SH2D1B: variants seen among roughly 807,000 people sequenced by gnomAD.
SH2D1B encodes the protein SH2 domain containing 1B.
Under a neutral mutation model 16.3 loss-of-function variants are expected in SH2D1B, and 11 were observed. That is an observed-to-expected ratio of 0.67 (90% CI 0.42 to 1.11). The LOEUF (loss-of-function observed/expected upper bound fraction) is 1.11, where lower values mean the gene tolerates loss of function less well. SH2D1B is among the 50% of genes most tolerant of loss of function. SH2D1B has a pLI of 0.00. For missense variants in SH2D1B, 123 were observed against 153.1 expected, an observed-to-expected ratio of 0.80 and a Z score of 1.04; for synonymous variants, 55 against 56.1, an observed-to-expected ratio of 0.98 and a Z score of 0.09.
intron 1 of SH2D1B, among the ~76,000 whole-genome samples, chr1:162,410,397 T>A (rs1166117967): frequency 6.6e-6 from 1 of 152,200 alleles, no homozygotes; most frequent in Non-Finnish European, 1.5e-5. Context: ...TTTGTGATGA[T>A]CCTGAATAAA....
At chr1:162,402,931 C>T (rs1242349702) in intron 1 of SH2D1B, 129 bp from the exon 2 acceptor site, 2 of 623,376 alleles carry the variant, frequency 3.2e-6, no homozygotes, top group Admixed American at 5.5e-5. Context: ...TTTTCTGGGA[C>T]GGAATATCAC....
chr1:162,398,537 C>T (rs1050658241), intron 3 of SH2D1B, among the ~76,000 whole-genome samples: 26 of 152,180 alleles, frequency 1.7e-4, no homozygotes, highest in African/African-American at 6.0e-4. Flanking sequence ...GAATGCTTAG[C>T]AAATATTGAG....
chr1:162,398,366 AAG>A lies in SH2D1B; in HGVS notation c.363+555_363+556del, dbSNP rs1648429159. Among the ~76,000 whole-genome samples, 4 of 152,362 alleles carry A rather than the reference AAG, an allele frequency of 2.6e-5. No homozygotes were observed. In the South Asian group the frequency reaches 8.3e-4, roughly 32 times the overall value. ...AAATTCTTTACTGAGAGCAGATTTC[AAG>A]AGTGTGGGTAAGGAAGAGTAGCTGC... On this transcript the variant is annotated intron_variant, in intron 3 of 3. Coordinates refer to ENST00000367929, the MANE Select transcript of SH2D1B (RefSeq NM_053282.5).
chr1:162,405,672 A>G (rs146886239), intron 1 of SH2D1B, among the ~76,000 whole-genome samples: 76 of 152,302 alleles, frequency 5.0e-4, no homozygotes, highest in East Asian at 1.9e-3. Flanking sequence ...TGTTTATTCT[A>G]TGGAAATCGT....
intron 1 of SH2D1B, among the ~76,000 whole-genome samples, chr1:162,403,662 G>A (rs1215530395): frequency 4.9e-5 from 7 of 143,012 alleles, no homozygotes; most frequent in Non-Finnish European, 7.5e-5. Flanking sequence ...CCAAGACATG[G>A]AATCAACCTA....
At chr1:162,402,872 C>A in intron 1 of SH2D1B, 70 bp from the exon 2 acceptor site, 1 of 1,156,718 alleles carries the variant, frequency 8.6e-7, no homozygotes. Flanking sequence ...CGTTATGTTT[C>A]ATATGCAATA....
At chr1:162,409,733 T>C (rs1271172443) in intron 1 of SH2D1B, among the ~76,000 whole-genome samples, 2 of 151,964 alleles carry the variant, frequency 1.3e-5, no homozygotes, top group Non-Finnish European at 2.9e-5. Flanking sequence ...GCACCCACCA[T>C]GCCTGGCTAA....
rs1327488943 is a variant in SH2D1B at position 162,399,006 on chromosome 1, C to T, written c.280G>A (p.Val94Met). 7 of 1,613,976 alleles carry T rather than the reference C, an allele frequency of 4.3e-6. No homozygotes were observed. Among genetic ancestry groups the T allele is most frequent in the Non-Finnish European group, 8.5e-7 (1 of 1,179,982 alleles). The change falls in exon 3 of 4, where the codon GTG becomes ATG. Residue 94 changes from valine to methionine, a missense_variant. Transcript: ENST00000367929. ...SKFEKPNQGM[V>M]VHLLKPIKRT... ...TTTATTGGCTTTAAAAGGTGAACCA[C>T]CATCCCCTGATTTGGTTTTTCAAAT...
At chr1:162,399,372 C>A (rs994628672) in intron 2 of SH2D1B, among the ~76,000 whole-genome samples, 3 of 152,110 alleles carry the variant, frequency 2.0e-5, no homozygotes, top group African/African-American at 7.2e-5. Context: ...GGGCAGTTCT[C>A]GCAGATACAC....
chr1:162,400,061 G>T (rs549607996), intron 2 of SH2D1B, among the ~76,000 whole-genome samples: 161 of 152,228 alleles, frequency 1.1e-3, no homozygotes, highest in African/African-American at 3.8e-3. Flanking sequence ...TATTTATCCA[G>T]TCTATCACTG....
rs1036400488 is a variant in SH2D1B, at chr1:162,397,409, C to G, written c.364-94G>C. On this transcript the variant is annotated intron_variant, in intron 3 of 3. Coordinates refer to ENST00000367929, the MANE Select transcript of SH2D1B (RefSeq NM_053282.5). ...CACTCAAAGGAAAGAAGACCCCTCC[C>G]CAGGCACAGAGCCATGTTGATGCCA... 8.0e-6 allele frequency: 11 copies of G among 1,372,728 alleles called. No homozygotes were observed. In the African/African-American group the frequency reaches 1.6e-4, roughly 20 times the overall value. 85.0% of individuals were successfully genotyped at this position (1,372,728 alleles called of 1,614,324 possible).
At chr1:162,400,046 C>T (rs1486677087) in intron 2 of SH2D1B, among the ~76,000 whole-genome samples, 1 of 152,172 alleles carries the variant, frequency 6.6e-6, no homozygotes. Context: ...ATATGTACCA[C>T]ATTTTATTTA....
chr1:162,395,449 A>G lies in SH2D1B; in HGVS notation c.*1831T>C, dbSNP rs1648351462. 1 of 152,228 alleles carries G rather than the reference A, an allele frequency of 6.6e-6. No individual in the cohort carries two copies. Among genetic ancestry groups the G allele is most frequent in the African/African-American group, 2.4e-5 (1 of 41,476 alleles). The allele number at this position is 152,228 out of a possible 1,614,324, so 9.4% of individuals were successfully genotyped here. A position where few individuals can be genotyped will look rare whatever the true frequency, so the allele number is the denominator to read the frequency against. ...TACAACAAACATAATGTTTAAATAA[A>G]GAAAATTTCTAAGCATTCCCTGTAA... On this transcript the variant is annotated 3_prime_UTR_variant, in exon 4 of 4. Coordinates refer to ENST00000367929, the MANE Select transcript of SH2D1B (RefSeq NM_053282.5).
At chr1:162,400,457 A>ATTTTTTT (rs34822047) in intron 2 of SH2D1B, among the ~76,000 whole-genome samples, 4 of 110,840 alleles carry the variant, frequency 3.6e-5, no homozygotes, top group African/African-American at 6.8e-5. Context: ...TACCTGGCTA[A>ATTTTTTT]TTTTTTTTTT....
chr1:162,407,513 T>C (rs1210932033), intron 1 of SH2D1B, among the ~76,000 whole-genome samples: 3 of 152,322 alleles, frequency 2.0e-5, no homozygotes, highest in East Asian at 3.9e-4. Context: ...AAAATAGTGA[T>C]CATGTCGCCT....
At chr1:162,397,909 T>C (rs1337380869) in intron 3 of SH2D1B, among the ~76,000 whole-genome samples, 1 of 150,142 alleles carries the variant, frequency 6.7e-6, no homozygotes, top group Non-Finnish European at 1.5e-5. Context: ...TTTTATTCTA[T>C]AAATTTGGGG....
intron 1 of SH2D1B, among the ~76,000 whole-genome samples, chr1:162,408,414 C>CTTTT (rs34627792): frequency 0.022 from 2,878 of 128,130 alleles, 91 homozygotes; most frequent in South Asian, 0.085. Context: ...TTTTTCTCTT[C>CTTTT]TTTTTTTTTT....
At chr1:162,403,527 T>A (rs1362641804) in intron 1 of SH2D1B, among the ~76,000 whole-genome samples, 3,292 of 60,716 alleles carry the variant, frequency 0.054, 151 homozygotes, top group Non-Finnish European at 0.092. Context: ...TATATATATA[T>A]ATATATATAT....
At chr1:162,405,581 A>G (rs758888319) in intron 1 of SH2D1B, among the ~76,000 whole-genome samples, 156 of 152,018 alleles carry the variant, frequency 1.0e-3, no homozygotes, top group Non-Finnish European at 1.9e-3. Flanking sequence ...AGTGTTTCCT[A>G]TTTTTGCAGT....
Sources: allele counts gnomAD v4.1 joint callset (sites outside exome capture counted in the v4.1 genomes callset), GRCh38; gene constraint gnomAD v4.1.1; transcripts MANE v1.5; gene names NCBI Gene and HGNC (gene_info 2026-07-23, HGNC 2026-07-21).